TRPM8: variants seen among roughly 807,000 people sequenced by gnomAD.
The protein encoded by TRPM8 is TRPM8 cationic channel.
In TRPM8, 110 loss-of-function variants were observed where a neutral mutation model predicts 133.7. The ratio of observed to expected loss-of-function variants is 0.82; its 90% confidence interval spans 0.70 to 0.96. The LOEUF (loss-of-function observed/expected upper bound fraction) is 0.96. Among genes scored for constraint, TRPM8 ranks in the 40% least tolerant of loss-of-function variants. The probability of loss-of-function intolerance (pLI) is 0.00; values close to 1 mark genes in which losing one functional copy is unlikely to be tolerated. For missense variants in TRPM8, 1,291 were observed against 1,379.5 expected, an observed-to-expected ratio of 0.94 and a Z score of 1.02; for synonymous variants, 535 against 532.3, an observed-to-expected ratio of 1.01 and a Z score of -0.07.
intron 11 of TRPM8, among the ~76,000 whole-genome samples, chr2:233,959,094 C>A (rs961102290): frequency 1.3e-5 from 2 of 152,162 alleles, no homozygotes; most frequent in African/African-American, 4.8e-5. Flanking sequence ...GGCATGATCT[C>A]AGCTCACTGC....
chr2:233,955,786 A>G (rs1413278163), intron 11 of TRPM8, among the ~76,000 whole-genome samples: 1 of 152,154 alleles, frequency 6.6e-6, no homozygotes, highest in East Asian at 1.9e-4. Context: ...GCCTGTTAGG[A>G]ACAACAGGAA....
At chr2:233,994,889 G>T (rs1358948634) in intron 21 of TRPM8, among the ~76,000 whole-genome samples, 1 of 152,188 alleles carries the variant, frequency 6.6e-6, no homozygotes, top group Non-Finnish European at 1.5e-5. Context: ...GGGATGATTT[G>T]ATATTAGCAA....
chr2:233,978,618 C>CT (rs1242408099), intron 17 of TRPM8, among the ~76,000 whole-genome samples: 7 of 152,140 alleles, frequency 4.6e-5, no homozygotes, highest in African/African-American at 1.7e-4. Flanking sequence ...CACTCTGTTC[C>CT]TTTTTAAAAA....
Position 233,959,649 on chromosome 2 carries a change from T to A in TRPM8, c.1363-1127T>A, listed in dbSNP as rs1483534929. Among the ~76,000 whole-genome samples the A allele has an allele frequency of 4.6e-5, 7 of 152,284 alleles. No individual in the cohort carries two copies. In the East Asian group the frequency reaches 1.4e-3, roughly 29 times the overall value. ...ACTCGAGATTTTAATGCTGGAAATG[T>A]AGATTTTGATGAACTTTCTAATTTT... On this transcript the variant is annotated intron_variant, in intron 11 of 25. Transcript: ENST00000324695.
At chr2:234,000,201 C>T (rs1402261223) in intron 22 of TRPM8, among the ~76,000 whole-genome samples, 6 of 151,766 alleles carry the variant, frequency 4.0e-5, no homozygotes, top group Non-Finnish European at 8.8e-5. Context: ...ACCTCCGCCT[C>T]CTGGGTTCAA....
chr2:233,975,651 C>A (rs745509850), intron 17 of TRPM8, among the ~76,000 whole-genome samples: 3 of 152,184 alleles, frequency 2.0e-5, no homozygotes, highest in Admixed American at 1.3e-4. Flanking sequence ...GAGGCCAAGG[C>A]GGGCGGATCA....
chr2:233,963,108 T>A lies in TRPM8; in HGVS notation c.1654-174T>A, dbSNP rs550738019. Reference sequence around the variant, plus strand: ...TTTATGACAGATGAAAGATTTGGTGTCAAAATTAGACCACCCAATGAGTTG... The same window carrying A: ...TTTATGACAGATGAAAGATTTGGTGACAAAATTAGACCACCCAATGAGTTG... On this transcript the variant is annotated intron_variant, in intron 12 of 25. Transcript: ENST00000324695. Among the ~76,000 whole-genome samples the A allele has an allele frequency of 1.8e-4, 27 of 152,110 alleles. 1 individual carries two copies. Among genetic ancestry groups the A allele is most frequent in the Admixed American group, 7.2e-4 (11 of 15,268 alleles).
chr2:233,970,261 C>A lies in TRPM8; in HGVS notation c.2190C>A (p.Phe730Leu). The A allele has an allele frequency of 6.2e-7, 1 of 1,614,180 alleles. No homozygotes were observed. The highest frequency in any genetic ancestry group is 8.5e-7 in the Non-Finnish European group (1 of 1,180,036). Residue 730 changes from phenylalanine (F) to leucine (L), a missense_variant, in exon 17 of 26, where the codon TTC becomes TTA. Physicochemically the swap from Phe to Leu is conservative, Grantham distance 22. This residue lies in a region of TRPM8 where 963 missense variants were observed against 968.9 expected (regional missense o/e 0.99). Transcript: ENST00000324695. ...HKKLLWYYVA[F>L]FTSPFVVFSW... ...AGCTGCTTTGGTACTATGTGGCGTT[C>A]TTCACCTCCCCCTTCGTGGTCTTCT...
rs144759373 is a variant in TRPM8, at chr2:233,998,575, G to C, written c.3130+2059G>C. On this transcript the variant is annotated intron_variant, in intron 22 of 25. Coordinates refer to ENST00000324695, the MANE Select transcript of TRPM8 (RefSeq NM_024080.5). ...CAGCTAGTTAGGGTGAGCTGCTTGT[G>C]CCCATCCAGTTAGGGTGCCAGCTTG... Among the ~76,000 whole-genome samples, 80 of 152,102 alleles carry C rather than the reference G, an allele frequency of 5.3e-4. 1 individual carries two copies. The East Asian group carries it at 0.013, about 25-fold the overall frequency.
At chr2:233,987,524 C>T (rs529224730) in intron 21 of TRPM8, among the ~76,000 whole-genome samples, 1 of 152,334 alleles carries the variant, frequency 6.6e-6, no homozygotes, top group East Asian at 1.9e-4. Context: ...TGTGTGGAAG[C>T]ACATACCTCT....
chr2:234,017,508 CTG>C lies in TRPM8; in HGVS notation c.*256_*257del, dbSNP rs1342394104. 1.0e-5 allele frequency: 4 copies of C among 384,272 alleles called. No individual in the cohort carries two copies. Among genetic ancestry groups the C allele is most frequent in the South Asian group, 6.0e-5 (3 of 50,322 alleles). 23.8% of individuals were successfully genotyped at this position (384,272 alleles called of 1,614,324 possible). On this transcript the variant is annotated 3_prime_UTR_variant, in exon 26 of 26. Transcript: ENST00000324695. Reference sequence around the variant, plus strand: ...TCTCCAGAATGGTGCCTGTTTCTCTCTGTGTCTCAATGCCTGGGACTGGAGGT... The same window carrying C: ...TCTCCAGAATGGTGCCTGTTTCTCTCTGTCTCAATGCCTGGGACTGGAGGT...
At chr2:233,940,263 C>T (rs1222234123) in intron 5 of TRPM8, among the ~76,000 whole-genome samples, 13 of 150,320 alleles carry the variant, frequency 8.6e-5, no homozygotes, top group Non-Finnish European at 1.8e-4. Flanking sequence ...ACTAAGGAAA[C>T]GTGTCGTAAT....
At chr2:233,974,137 G>A (rs1374247250) in intron 17 of TRPM8, among the ~76,000 whole-genome samples, 2 of 152,210 alleles carry the variant, frequency 1.3e-5, no homozygotes, top group African/African-American at 4.8e-5. Flanking sequence ...CATTCCCTCT[G>A]AGGGACTGGC....
chr2:234,008,882 AG>A (rs1692762727), intron 24 of TRPM8, among the ~76,000 whole-genome samples: 2 of 152,210 alleles, frequency 1.3e-5, no homozygotes, highest in Admixed American at 1.3e-4. Context: ...ATCTGTTTAC[AG>A]TTTCTTGTTT....
chr2:234,008,523 T>A (rs934853909), intron 24 of TRPM8, among the ~76,000 whole-genome samples: 14 of 152,364 alleles, frequency 9.2e-5, no homozygotes, highest in African/African-American at 3.1e-4. Flanking sequence ...TGAGTACGCA[T>A]ATGAACACCA....
rs111972494 is a variant in TRPM8 at position 233,960,866 on chromosome 2, C to T, written c.1453C>T (p.Arg485Trp). 187 of 1,614,176 alleles carry T rather than the reference C, an allele frequency of 1.2e-4. No homozygotes were observed. Among genetic ancestry groups the T allele is most frequent in the African/African-American group, 5.1e-4 (38 of 75,044 alleles). ...RLFLENGLNLRKFLTHDVLTE... is the reference protein window; with the variant it reads ...RLFLENGLNLWKFLTHDVLTE... ...CTTTCTGGAGAATGGCTTGAACCTA[C>T]GGAAGTTTCTCACCCATGATGTCCT... Residue 485 changes from arginine (R) to tryptophan (W), a missense_variant, in exon 12 of 26, where the codon CGG becomes TGG. This residue lies in a region of TRPM8 where 963 missense variants were observed against 968.9 expected (regional missense o/e 0.99). Coordinates refer to ENST00000324695, the MANE Select transcript of TRPM8 (RefSeq NM_024080.5).
At chr2:234,012,805 TC>T (rs1692874814) in intron 24 of TRPM8, among the ~76,000 whole-genome samples, 1 of 151,912 alleles carries the variant, frequency 6.6e-6, no homozygotes, top group Non-Finnish European at 1.5e-5. Context: ...TTGTTGAGAG[TC>T]TTTTTTTTTC....
chr2:233,936,212 C>A (rs965801542), intron 3 of TRPM8, among the ~76,000 whole-genome samples: 1 of 152,160 alleles, frequency 6.6e-6, no homozygotes, highest in Non-Finnish European at 1.5e-5. Context: ...AACTTAAAGG[C>A]AGGAAGGACA....
chr2:233,984,152 C>T (rs1450372351), intron 20 of TRPM8, among the ~76,000 whole-genome samples: 1 of 152,188 alleles, frequency 6.6e-6, no homozygotes, highest in Non-Finnish European at 1.5e-5. Context: ...TCCAGGGTAG[C>T]CACTCATGTG....
Sources: allele counts gnomAD v4.1 joint callset (sites outside exome capture counted in the v4.1 genomes callset), GRCh38; gene constraint gnomAD v4.1.1; regional missense constraint gnomAD v4.1.1; transcripts MANE v1.5; gene names NCBI Gene and HGNC (gene_info 2026-07-23, HGNC 2026-07-21).